The following TRPV2 variants were observed in gnomAD, a reference collection of about 807,000 sequenced individuals.
TRPV2 encodes transient receptor potential cation channel subfamily V member 2.
In TRPV2, 58 loss-of-function variants were observed where a neutral mutation model predicts 91.0. The ratio of observed to expected loss-of-function variants is 0.64; its 90% CI spans 0.52 to 0.79. The LOEUF is 0.79. Among genes scored for constraint, TRPV2 ranks in the 30% least tolerant of loss-of-function variants. The pLI, the probability that TRPV2 is intolerant of heterozygous loss-of-function variation, is 0.00. For missense variants in TRPV2, 807 were observed against 969.6 expected (o/e 0.83, Z 2.23); for synonymous variants, 417 against 414.8 (o/e 1.01, Z -0.06).
chr17:16,425,236 C>T (rs1201453813), intron 5 of TRPV2, among the ~76,000 whole-genome samples: 2 of 151,992 alleles, frequency 1.3e-5, no homozygotes, highest in African/African-American at 4.8e-5. Flanking sequence ...GTTGGTCAGG[C>T]TGGTCTCAAA....
rs533566820 is a variant in TRPV2, at chr17:16,435,597, A to G, written c.2194+628A>G. On this transcript the variant is annotated intron_variant, in intron 14 of 14. Transcript: ENST00000338560. The surrounding 1 kb of genome is among the most constrained non-coding windows in gnomAD (Gnocchi z 4.2). ...CTCCCACCCTCAGAGGCCTGTTCTG[A>G]GGATTAGCTGTCCCCACTGCATACC... 1.6e-4 allele frequency among the ~76,000 whole-genome samples: 24 copies of G among 151,772 alleles called. No homozygotes were observed. Among genetic ancestry groups the G allele is most frequent in the Middle Eastern group, 3.4e-3 (1 of 294 alleles).
chr17:16,416,012 T>C (rs1411038901), intron 1 of TRPV2, 179 bp downstream of exon 1: 2 of 151,838 alleles, frequency 1.3e-5, no homozygotes, highest in Non-Finnish European at 2.9e-5. Flanking sequence ...GCTGCCAGGG[T>C]GGGTGAGGGT....
chr17:16,422,237 G>T (rs1313767756), intron 3 of TRPV2, among the ~76,000 whole-genome samples: 1 of 151,312 alleles, frequency 6.6e-6, no homozygotes, highest in African/African-American at 2.4e-5. Context: ...GCAGGAAAAC[G>T]GCGTGAACCT....
chr17:16,418,379 T>C (rs1436738895), intron 2 of TRPV2, among the ~76,000 whole-genome samples: 1 of 152,150 alleles, frequency 6.6e-6, no homozygotes, highest in Non-Finnish European at 1.5e-5. Flanking sequence ...TTTCCACCAA[T>C]TCAGACTGTG....
chr17:16,434,917 G>C lies in TRPV2; in HGVS notation c.2142G>C (p.Trp714Cys), dbSNP rs200255118. ...TGGAGGAGGTGAACTGGGCTTCATG[G>C]GAGCAGACGCTGCCTACGCTGTGTG... is the stretch of plus-strand genomic sequence containing the variant. ...FRVEEVNWAS[W>C]EQTLPTLCED... is the part of the protein sequence containing the mutation. The change falls in exon 14 of 15, where the codon TGG becomes TGC. Residue 714 changes from tryptophan (W) to cysteine (C), a missense_variant. Transcript: ENST00000338560. 6.2e-7 allele frequency: 1 copy of C among 1,612,270 alleles called. No individual in the cohort carries two copies. Among genetic ancestry groups the C allele is most frequent in the African/African-American group, 1.3e-5 (1 of 75,018 alleles).
intron 5 of TRPV2, among the ~76,000 whole-genome samples, chr17:16,424,797 C>T (rs752605232): frequency 2.0e-5 from 3 of 151,476 alleles, no homozygotes; most frequent in Non-Finnish European, 4.4e-5. Flanking sequence ...TTTTGCTATA[C>T]AGGATTTAAA....
chr17:16,422,448 A>G, intron 3 of TRPV2, 151 bp from the exon 4 acceptor site: 1 of 699,846 alleles, frequency 1.4e-6, no homozygotes, highest in Non-Finnish European at 2.3e-6. Context: ...TTAATAGCCT[A>G]TAACATGGTT....
At chr17:16,432,439 C>CTTT (rs5819571) in intron 12 of TRPV2, 139 bp downstream of exon 12, 33,514 of 527,106 alleles carry the variant, frequency 0.064, 23 homozygotes, top group Non-Finnish European at 0.072. Context: ...CTTCCTCTTC[C>CTTT]TTTTTTTTTT....
At position 16,426,387 on chromosome 17, in the gene TRPV2, G is replaced by A; in HGVS notation, c.1095+118G>A. 1 of 1,294,762 alleles carries A rather than the reference G, an allele frequency of 7.7e-7. No homozygotes were observed. The highest frequency in any genetic ancestry group is 1.1e-6 in the Non-Finnish European group (1 of 944,698). The allele number at this position is 1,294,762 out of a possible 1,614,324, so 80.2% of individuals were successfully genotyped here. A position where few individuals can be genotyped will look rare whatever the true frequency, so the allele number is the denominator to read the frequency against. On this transcript the variant is annotated intron_variant, in intron 6 of 14. Transcript: ENST00000338560. This position sits in a 1 kb window ranked among gnomAD's most constrained non-coding sequence, Gnocchi z 6.0. ...CCCATTCCTGTGCCAGTGGGGGTGTGGCTGCATGTCCCAGCAGGCACGACC... is the reference window on the plus strand; with the variant it reads ...CCCATTCCTGTGCCAGTGGGGGTGTAGCTGCATGTCCCAGCAGGCACGACC...
chr17:16,421,304 G>A (rs975071475), intron 3 of TRPV2, among the ~76,000 whole-genome samples: 1 of 151,680 alleles, frequency 6.6e-6, no homozygotes, highest in Non-Finnish European at 1.5e-5. Context: ...TCCACCTCCC[G>A]GGCTCATGCC....
At position 16,432,294 on chromosome 17, in the gene TRPV2, G is replaced by A; in HGVS notation, c.1983G>A (p.Lys661=). The A allele has an allele frequency of 6.2e-7, 1 of 1,602,878 alleles. No homozygotes were observed. The highest frequency in any genetic ancestry group is 8.5e-7 in the Non-Finnish European group (1 of 1,171,596). ...SVATDSWSIW[K]LQKAISVLEM... Reference sequence around the variant, plus strand: ...CCACTGACAGCTGGAGCATCTGGAAGCTGCAGGTGCCACCAGAGAGGCTCC... The same window carrying A: ...CCACTGACAGCTGGAGCATCTGGAAACTGCAGGTGCCACCAGAGAGGCTCC... Residue 661 remains lysine, a synonymous_variant, in exon 12 of 15, where the codon AAG becomes AAA. Coordinates refer to ENST00000338560, the MANE Select transcript of TRPV2 (RefSeq NM_016113.5).
At chr17:16,423,435 G>A in intron 4 of TRPV2, 34 bp from the exon 5 acceptor site, 1 of 1,562,924 alleles carries the variant, frequency 6.4e-7, no homozygotes. Context: ...GAAAGCAGGA[G>A]GCCTGGGGCC....
At chr17:16,417,977 C>T in intron 2 of TRPV2, 109 bp downstream of exon 2, 1 of 1,082,640 alleles carries the variant, frequency 9.2e-7, no homozygotes, top group Non-Finnish European at 1.3e-6. Context: ...CTTCCCACAG[C>T]CTGTGGAGTC....
chr17:16,433,778 C>CAG (rs2093423797), intron 13 of TRPV2, 80 bp downstream of exon 13: 2 of 1,558,626 alleles, frequency 1.3e-6, no homozygotes, highest in Admixed American at 1.8e-5. Context: ...CAGGGCACAG[C>CAG]TGCCAGGAGC....
intron 1 of TRPV2, chr17:16,416,336 GC>G: frequency 6.4e-6 from 1 of 155,086 alleles, no homozygotes; most frequent in East Asian, 1.9e-4. Context: ...TCTGCCCCCT[GC>G]CCCCTGCCCC....
At position 16,423,669 on chromosome 17, in the gene TRPV2, G is replaced by C; in HGVS notation, c.826G>C (p.Ala276Pro). 2 of 1,614,130 alleles carry C rather than the reference G, an allele frequency of 1.2e-6. No homozygotes were observed. The highest frequency in any genetic ancestry group is 1.7e-6 in the Non-Finnish European group (2 of 1,180,024). Residue 276 changes from alanine to proline, a missense_variant, in exon 5 of 15, where the codon GCT becomes CCT. Transcript: ENST00000338560. Reference protein sequence around the residue: ...VTSMYDGLLQAGARLCPTVQL... With the variant: ...VTSMYDGLLQPGARLCPTVQL... ...CAGCATGTATGATGGGCTCCTCCAA[G>C]CTGGGGCCCGCCTCTGCCCTACCGT...
At chr17:16,433,874 T>C (rs1057186719) in intron 13 of TRPV2, among the ~76,000 whole-genome samples, 176 bp downstream of exon 13, 5 of 152,214 alleles carry the variant, frequency 3.3e-5, no homozygotes, top group African/African-American at 1.2e-4. Flanking sequence ...TCACAAGCCA[T>C]GGCTGCCACA....
intron 5 of TRPV2, among the ~76,000 whole-genome samples, chr17:16,424,083 A>G (rs1447702488): frequency 6.6e-6 from 1 of 151,592 alleles, no homozygotes; most frequent in Non-Finnish European, 1.5e-5. Context: ...TCTGCTTCCC[A>G]GGTTCAAGCG....
chr17:16,423,347 C>T (rs2093367050), intron 4 of TRPV2, 122 bp from the exon 5 acceptor site: 1 of 1,160,576 alleles, frequency 8.6e-7, no homozygotes, highest in Non-Finnish European at 1.2e-6. Context: ...TGTTCTGCTC[C>T]CTTCAGTGGT....
Sources: gnomAD v4.1 joint callset for allele counts (sites outside exome capture counted in the v4.1 genomes callset) on GRCh38, gnomAD v4.1.1 for gene constraint, Gnocchi (gnomAD v3.1) non-coding constraint, MANE v1.5 for transcripts, NCBI Gene and HGNC (gene_info 2026-07-23, HGNC 2026-07-21) for gene names.